The following TMEM132D variants were observed in gnomAD, a reference collection of about 807,000 sequenced individuals.
TMEM132D encodes mature OL transmembrane protein.
In TMEM132D, 21 loss-of-function variants were observed where a neutral mutation model predicts 62.3. The observed-to-expected ratio is 0.34, with a 90% CI of 0.24 to 0.49. The LOEUF is 0.49. Among genes scored for constraint, TMEM132D ranks in the 20% least tolerant of loss-of-function variants. The probability of loss-of-function intolerance (pLI) is 0.99; values close to 1 mark genes in which losing one functional copy is unlikely to be tolerated. For missense variants in TMEM132D, 1,346 were observed against 1,402.8 expected (o/e 0.96, Z 0.65); for synonymous variants, 621 against 575.6 (o/e 1.08, Z -1.13).
chr12:129,093,841 G>C (rs1875010166), intron 5 of TMEM132D, among the ~76,000 whole-genome samples: 1 of 142,248 alleles, frequency 7.0e-6, no homozygotes, highest in Non-Finnish European at 1.5e-5. Flanking sequence ...CAGAGATATA[G>C]ACCAATGGAA....
At chr12:129,313,394 A>T (rs1352074661) in intron 4 of TMEM132D, among the ~76,000 whole-genome samples, 2 of 152,108 alleles carry the variant, frequency 1.3e-5, no homozygotes, top group Non-Finnish European at 2.9e-5. Context: ...CTTAGCTCCC[A>T]CATATCAGTG....
At position 129,545,494 on chromosome 12, in the gene TMEM132D, A is replaced by T. The variant is rs6486484; in HGVS notation, c.969-14289T>A. Among the ~76,000 whole-genome samples, 9 of 152,098 alleles carry T rather than the reference A, an allele frequency of 5.9e-5. No homozygotes were observed. In the South Asian group the frequency reaches 6.2e-4, roughly 11 times the overall value. On this transcript the variant is annotated intron_variant, in intron 2 of 8. Coordinates refer to ENST00000422113, the MANE Select transcript of TMEM132D (RefSeq NM_133448.3). ...ACAGTTAACATGAGATCTATGCCTT[A>T]GACACATTTTTAGGTGCACAGTAGA...
chr12:129,314,119 T>A (rs1292811311), intron 4 of TMEM132D, among the ~76,000 whole-genome samples: 1 of 152,110 alleles, frequency 6.6e-6, no homozygotes, highest in Non-Finnish European at 1.5e-5. Flanking sequence ...TTGTCAGATG[T>A]ATAGATTGTG....
chr12:129,573,098 T>C (rs1014480377), intron 2 of TMEM132D, among the ~76,000 whole-genome samples: 4 of 152,072 alleles, frequency 2.6e-5, no homozygotes, highest in Admixed American at 6.5e-5. Flanking sequence ...GCAAAGCAGC[T>C]CTGTGTCGTG....
intron 5 of TMEM132D, among the ~76,000 whole-genome samples, chr12:129,153,090 C>A (rs1384936156): frequency 6.6e-6 from 1 of 152,116 alleles, no homozygotes; most frequent in East Asian, 1.9e-4. Context: ...TTCTCAGGCT[C>A]CCCTCTTTGT....
chr12:129,276,261 C>T (rs1299739200), intron 4 of TMEM132D, among the ~76,000 whole-genome samples: 2 of 152,168 alleles, frequency 1.3e-5, no homozygotes, highest in Non-Finnish European at 2.9e-5. Context: ...AAAGATAAAA[C>T]GCTTGCCACC....
chr12:129,363,240 AAGCAAGTGAG>A (rs1428399548), intron 3 of TMEM132D, among the ~76,000 whole-genome samples: 1 of 152,188 alleles, frequency 6.6e-6, no homozygotes, highest in African/African-American at 2.4e-5. Context: ...TGTCTCCAGC[AAGCAAGTGAG>A]CTTGTGTCCC....
chr12:129,709,660 C>A (rs1036971033), intron 1 of TMEM132D, among the ~76,000 whole-genome samples: 1 of 152,200 alleles, frequency 6.6e-6, no homozygotes, highest in Non-Finnish European at 1.5e-5. Flanking sequence ...CTCTCTAATG[C>A]CTTTAATGCA....
chr12:129,537,003 A>G (rs977529353), intron 2 of TMEM132D, among the ~76,000 whole-genome samples: 10 of 151,912 alleles, frequency 6.6e-5, no homozygotes, highest in African/African-American at 2.4e-4. Context: ...CTAAAAATAC[A>G]AAATTAGCCA....
intron 1 of TMEM132D, among the ~76,000 whole-genome samples, chr12:129,820,637 T>C (rs575574097): frequency 2.0e-5 from 3 of 152,218 alleles, no homozygotes; most frequent in Non-Finnish European, 2.9e-5. Context: ...GCTGAAAATA[T>C]ATGGGATGAA....
intron 3 of TMEM132D, among the ~76,000 whole-genome samples, chr12:129,448,404 G>A (rs944105959): frequency 1.3e-5 from 2 of 152,148 alleles, no homozygotes; most frequent in African/African-American, 4.8e-5. Context: ...GCCCCAGTGG[G>A]TGCTGTTCCC....
At chr12:129,665,179 T>C (rs1880347448) in intron 2 of TMEM132D, among the ~76,000 whole-genome samples, 1 of 151,560 alleles carries the variant, frequency 6.6e-6, no homozygotes, top group African/African-American at 2.4e-5. Context: ...GTCCCCAGCT[T>C]GGTTGATGGG....
chr12:129,336,137 T>G (rs1271859784), intron 4 of TMEM132D, among the ~76,000 whole-genome samples: 1 of 152,210 alleles, frequency 6.6e-6, no homozygotes, highest in Non-Finnish European at 1.5e-5. Flanking sequence ...AATCTGTACT[T>G]AACTCATAAT....
At chr12:129,700,791 A>T in intron 1 of TMEM132D, 93 bp from the exon 2 acceptor site, 1 of 1,413,820 alleles carries the variant, frequency 7.1e-7, no homozygotes, top group Non-Finnish European at 9.4e-7. Context: ...ATAACAGAGG[A>T]CCCTGTCTTC....
At chr12:129,121,331 G>A (rs541277481) in intron 5 of TMEM132D, among the ~76,000 whole-genome samples, 11 of 152,130 alleles carry the variant, frequency 7.2e-5, no homozygotes, top group African/African-American at 2.4e-4. Context: ...CCTGACCTCA[G>A]GTGACCCACC....
intron 1 of TMEM132D, 75 bp from the exon 2 acceptor site, chr12:129,700,773 C>T (rs529933276): frequency 1.0e-5 from 15 of 1,490,718 alleles, no homozygotes; most frequent in African/African-American, 2.8e-5. Context: ...CATCTGCGTG[C>T]CCCCTTCATA....
intron 2 of TMEM132D, among the ~76,000 whole-genome samples, chr12:129,669,609 G>A (rs1296088138): frequency 6.6e-6 from 1 of 152,084 alleles, no homozygotes; most frequent in African/African-American, 2.4e-5. Flanking sequence ...GGAGGATGAG[G>A]CAGGAGAATC....
chr12:129,136,792 T>TCACCAC (rs138143808), intron 5 of TMEM132D, among the ~76,000 whole-genome samples: 8 of 91,036 alleles, frequency 8.8e-5, no homozygotes, highest in Non-Finnish European at 1.2e-4. Context: ...ATCATCACCA[T>TCACCAC]CACCATCATC....
intron 4 of TMEM132D, among the ~76,000 whole-genome samples, chr12:129,269,533 T>G (rs74973130): frequency 0.069 from 10,576 of 152,208 alleles, 557 homozygotes; most frequent in Admixed American, 0.17. Flanking sequence ...TCAATAAGTC[T>G]TGGATGAATG....
Sources: allele counts gnomAD v4.1 joint callset (sites outside exome capture counted in the v4.1 genomes callset), GRCh38; gene constraint gnomAD v4.1.1; transcripts MANE v1.5; gene names NCBI Gene and HGNC (gene_info 2026-07-23, HGNC 2026-07-21).